The following ESRRG variants were observed in gnomAD, a reference collection of about 807,000 sequenced individuals.
ESRRG encodes the protein estrogen related receptor gamma.
In ESRRG, 13 loss-of-function variants were observed where a neutral mutation model predicts 44.0. The observed-to-expected ratio is 0.30, with a 90% CI of 0.19 to 0.47. ESRRG has a LOEUF of 0.47. ESRRG is among the 20% of genes least tolerant of loss of function. ESRRG has a pLI of 1.00. For missense variants in ESRRG, 395 were observed against 580.6 expected (o/e 0.68, Z 3.29); for synonymous variants, 215 against 214.6 (o/e 1.00, Z -0.02).
intron 2 of ESRRG, among the ~76,000 whole-genome samples, chr1:216,675,676 T>C (rs895360232): frequency 6.6e-6 from 1 of 152,204 alleles, no homozygotes; most frequent in Non-Finnish European, 1.5e-5. Context: ...TGCAGATTGC[T>C]AGGCCCACCC....
upstream of ESRRG, among the ~76,000 whole-genome samples, chr1:217,092,940 AAAC>A (rs146094041): frequency 0.045 from 6,904 of 152,254 alleles, 197 homozygotes; most frequent in South Asian, 0.14. Flanking sequence ...AGTCCCTAGA[AAAC>A]AATTTAGGGA....
intron 1 of ESRRG, chr1:216,701,659 T>TAGC (rs2081412476): frequency 6.6e-6 from 1 of 152,268 alleles, no homozygotes; most frequent in African/African-American, 2.4e-5. Flanking sequence ...CCCTATTTAT[T>TAGC]AGCCTTGCTT....
At chr1:216,804,169 A>T (rs552977908) in intron 2 of ESRRG, among the ~76,000 whole-genome samples, 2 of 152,280 alleles carry the variant, frequency 1.3e-5, no homozygotes, top group Non-Finnish European at 2.9e-5. Flanking sequence ...CAATTTAATT[A>T]ATTTATTTAT....
intron 3 of ESRRG, among the ~76,000 whole-genome samples, chr1:216,593,299 T>C (rs965648116): frequency 2.0e-5 from 3 of 152,098 alleles, no homozygotes; most frequent in African/African-American, 7.3e-5. Flanking sequence ...GGGAAAAAAA[T>C]AAAATGAATA....
chr1:217,018,628 T>C (rs951018317), intron 1 of ESRRG, among the ~76,000 whole-genome samples: 2 of 152,184 alleles, frequency 1.3e-5, no homozygotes, highest in African/African-American at 2.4e-5. Flanking sequence ...ACAGTGAATA[T>C]ACAAGTCAAT....
At chr1:217,023,844 G>A (rs1343344822) in intron 1 of ESRRG, among the ~76,000 whole-genome samples, 1 of 152,056 alleles carries the variant, frequency 6.6e-6, no homozygotes, top group African/African-American at 2.4e-5. Flanking sequence ...ATCCCTAACT[G>A]TCCATCAGAG....
At chr1:216,577,230 G>T (rs2061849797) in intron 3 of ESRRG, among the ~76,000 whole-genome samples, 1 of 151,810 alleles carries the variant, frequency 6.6e-6, no homozygotes. Context: ...GCTGAACATA[G>T]GGATTGTCTT....
Position 216,601,182 on chromosome 1 carries a change from C to T in ESRRG, c.590-33084G>A, listed in dbSNP as rs554896289. Among the ~76,000 whole-genome samples, 54 of 152,172 alleles carry T rather than the reference C, an allele frequency of 3.5e-4. 1 individual carries two copies. The East Asian group carries it at 0.01, about 29-fold the overall frequency. On this transcript the variant is annotated intron_variant, in intron 3 of 6. Transcript: ENST00000408911. ...CCCGGGCTCCCGGGCGGGCGCTCGG[C>T]CAGGGGCTCTGCTCGCTCCATGGAC...
intron 3 of ESRRG, among the ~76,000 whole-genome samples, chr1:216,606,499 C>T (rs2059952490): frequency 6.6e-6 from 1 of 152,100 alleles, no homozygotes; most frequent in African/African-American, 2.4e-5. Context: ...ATCTTCTTTT[C>T]AATTTTTTGT....
chr1:216,743,128 T>C (rs185757629), intron 2 of ESRRG, among the ~76,000 whole-genome samples: 2 of 152,340 alleles, frequency 1.3e-5, no homozygotes, highest in East Asian at 1.9e-4. Context: ...ATGAGGCTGC[T>C]AGCTGTACTA....
At chr1:216,902,728 C>T (rs2059229323) in intron 2 of ESRRG, among the ~76,000 whole-genome samples, 1 of 152,168 alleles carries the variant, frequency 6.6e-6, no homozygotes, top group Admixed American at 6.5e-5. Context: ...CTATGCAGCT[C>T]CATGTTGAAC....
At chr1:216,687,335 C>T (rs1257525384) in intron 1 of ESRRG, among the ~76,000 whole-genome samples, 1 of 152,074 alleles carries the variant, frequency 6.6e-6, no homozygotes, top group African/African-American at 2.4e-5. Flanking sequence ...ATGTTTGTCC[C>T]AGTGTGCGAC....
intron 2 of ESRRG, among the ~76,000 whole-genome samples, chr1:216,803,176 A>G (rs2094678988): frequency 1.3e-5 from 2 of 152,096 alleles, no homozygotes; most frequent in African/African-American, 4.8e-5. Flanking sequence ...GAGGGAACGG[A>G]ATGCTGGCAC....
At chr1:216,548,882 CA>C (rs1434828934) in intron 5 of ESRRG, among the ~76,000 whole-genome samples, 18 of 152,028 alleles carry the variant, frequency 1.2e-4, no homozygotes, top group African/African-American at 4.3e-4. Context: ...GTAAATAATG[CA>C]GTAAAAATTT....
rs186491126 is a variant in ESRRG, at chr1:217,110,184, C to T, written c.-230+27483G>A. ...CAATCACAACATCCTTTCATGCACA[C>T]GCCAAATATGGCCTCAAAATTGTTG... On this transcript the variant is annotated intron_variant, in intron 1 of 8. Transcript: ENST00000366940. Among the ~76,000 whole-genome samples, 36 of 152,300 alleles carry T rather than the reference C, an allele frequency of 2.4e-4. No homozygotes were observed. The East Asian group carries it at 2.9e-3, about 12-fold the overall frequency.
intron 3 of ESRRG, among the ~76,000 whole-genome samples, chr1:216,625,474 A>G (rs1379096426): frequency 1.3e-5 from 2 of 150,154 alleles, no homozygotes; most frequent in African/African-American, 2.5e-5. Flanking sequence ...TATGAAGTTG[A>G]TCCTTATAAT....
At chr1:216,848,244 T>A (rs560948511) in intron 2 of ESRRG, among the ~76,000 whole-genome samples, 2 of 152,228 alleles carry the variant, frequency 1.3e-5, no homozygotes, top group South Asian at 4.1e-4. Context: ...TCAAGTATGC[T>A]TCTGGGGTGG....
chr1:216,573,330 C>T (rs770021583), intron 3 of ESRRG, among the ~76,000 whole-genome samples: 1 of 151,898 alleles, frequency 6.6e-6, no homozygotes, highest in Non-Finnish European at 1.5e-5. Context: ...TGGCTCTTTC[C>T]ATAACTATTT....
chr1:216,777,013 T>G (rs369218643), intron 2 of ESRRG, among the ~76,000 whole-genome samples: 15 of 152,216 alleles, frequency 9.9e-5, no homozygotes, highest in East Asian at 5.8e-4. Flanking sequence ...CTCTTAACCT[T>G]TTGAAGTGTA....
Sources: gnomAD v4.1 joint callset for allele counts (sites outside exome capture counted in the v4.1 genomes callset) on GRCh38, gnomAD v4.1.1 for gene constraint, MANE v1.5 for transcripts, NCBI Gene and HGNC (gene_info 2026-07-23, HGNC 2026-07-21) for gene names.